SYNPO: variants seen among roughly 807,000 people sequenced by gnomAD.
SYNPO encodes the protein synaptopodin.
A neutral mutation model predicts 49.5 loss-of-function variants in SYNPO; 19 were observed. That is an observed-to-expected ratio of 0.38 (90% CI 0.27 to 0.56). The LOEUF is 0.56. SYNPO is among the 20% of genes least tolerant of loss of function. The pLI is 0.68. For synonymous variants in SYNPO, 536 were observed against 548.0 expected, an observed-to-expected ratio of 0.98 and a Z score of 0.31; for missense variants, 1,131 against 1,248.3, an observed-to-expected ratio of 0.91 and a Z score of 1.42.
At chr5:150,618,560 G>T in exon 2 of SYNPO, 1 of 1,549,608 alleles carries the variant, frequency 6.5e-7, no homozygotes, top group Non-Finnish European at 8.7e-7. Flanking sequence ...CAGCAGGAGT[G>T]GGGACGACTC....
chr5:150,591,994 C>T, the SYNPO span, among the ~76,000 whole-genome samples: 1 of 152,102 alleles, frequency 6.6e-6, no homozygotes, highest in South Asian at 2.1e-4. Flanking sequence ...GGAGAAACCC[C>T]GTCTCTACTA....
chr5:150,590,835 G>C, the SYNPO span, among the ~76,000 whole-genome samples: 1 of 152,222 alleles, frequency 6.6e-6, no homozygotes. Flanking sequence ...CAATAAAGAA[G>C]TGGGAAGGGG....
exon 2 of SYNPO, chr5:150,618,563 G>A (rs1383350131): frequency 6.4e-7 from 1 of 1,550,424 alleles, no homozygotes; most frequent in African/African-American, 1.4e-5. Context: ...CAGGAGTGGG[G>A]ACGACTCTGC....
At chr5:150,606,814 C>A (rs973502283) in intron 1 of SYNPO, among the ~76,000 whole-genome samples, 2 of 152,168 alleles carry the variant, frequency 1.3e-5, no homozygotes, top group Non-Finnish European at 2.9e-5. Context: ...GCTGAGCGCC[C>A]CTCAGCCGCC....
chr5:150,655,328 A>G (rs376287344), intron 2 of SYNPO, among the ~76,000 whole-genome samples: 1 of 152,154 alleles, frequency 6.6e-6, no homozygotes, highest in Non-Finnish European at 1.5e-5. Context: ...CATGAGCTCT[A>G]GGCCCCACCT....
intron 2 of SYNPO, among the ~76,000 whole-genome samples, chr5:150,631,784 A>G (rs955615148): frequency 1.3e-5 from 2 of 151,986 alleles, no homozygotes; most frequent in African/African-American, 2.4e-5. Context: ...TCTCTCCCCC[A>G]TCTCTTCAAG....
In SYNPO at chr5:150,659,018, C is replaced by T. The variant is rs971476602; in HGVS notation, c.*1931C>T. On this transcript the variant is annotated 3_prime_UTR_variant, in exon 3 of 3. Coordinates refer to ENST00000307662, the MANE Select transcript of SYNPO (RefSeq NM_007286.6). ...AGTAGCATAGAGGATCCATTTCTAC[C>T]TGCATTTCCCAGAGGACTAGCAGGA... The T allele has an allele frequency of 6.6e-6, 1 of 152,318 alleles. No homozygotes were observed. Among genetic ancestry groups the T allele is most frequent in the Non-Finnish European group, 1.5e-5 (1 of 68,026 alleles). The allele number at this position is 152,318 out of a possible 1,614,324, so 9.4% of individuals were successfully genotyped here. A position where few individuals can be genotyped will look rare whatever the true frequency, so the allele number is the denominator to read the frequency against.
intron 2 of SYNPO, chr5:150,651,087 A>AG (rs1758364108): frequency 8.9e-7 from 1 of 1,128,724 alleles, no homozygotes; most frequent in Non-Finnish European, 1.1e-6. Context: ...TCACCGCTCT[A>AG]GGGGTGGGGG....
intron 1 of SYNPO, among the ~76,000 whole-genome samples, chr5:150,642,065 T>A (rs1215443703): frequency 6.6e-6 from 1 of 152,252 alleles, no homozygotes; most frequent in African/African-American, 2.4e-5. Context: ...CAGTTTCATC[T>A]GCAGAATGAG....
chr5:150,618,657 C>T (rs763119227), exon 2 of SYNPO: 41 of 1,550,860 alleles, frequency 2.6e-5, no homozygotes, highest in Non-Finnish European at 3.3e-5. Context: ...GAACAAGGGG[C>T]GTCCCAGCAC....
At chr5:150,645,034 C>T (rs527308448) in intron 1 of SYNPO, among the ~76,000 whole-genome samples, 4 of 152,290 alleles carry the variant, frequency 2.6e-5, no homozygotes, top group East Asian at 3.9e-4. Flanking sequence ...GCTGCTGTGA[C>T]GCTGCTGGTC....
Position 150,648,605 on chromosome 5 carries a change from A to G in SYNPO, c.330A>G (p.Pro110=), listed in dbSNP as rs984981628. 4 of 1,614,084 alleles carry G rather than the reference A, an allele frequency of 2.5e-6. No individual in the cohort carries two copies. The highest frequency in any genetic ancestry group is 3.4e-6 in the Non-Finnish European group (4 of 1,180,050). ...CAACTGTTGTCCCACAGAGCCTGCC[A>G]CTTTCTAGCATCCAACAGAATTCCT... ...PPATVVPQSL[P]LSSIQQNSSE... Residue 110 remains proline, a synonymous_variant, in exon 2 of 3, where the codon CCA becomes CCG. Coordinates refer to ENST00000307662, the MANE Select transcript of SYNPO (RefSeq NM_007286.6). This position sits in a 1 kb window ranked among gnomAD's most constrained non-coding sequence, Gnocchi z 5.0.
Position 150,656,815 on chromosome 5 carries a change from G to C in SYNPO, c.2440G>C (p.Ala814Pro). 1 of 1,505,384 alleles carries C rather than the reference G, an allele frequency of 6.6e-7. No homozygotes were observed. Among genetic ancestry groups the C allele is most frequent in the Non-Finnish European group, 8.8e-7 (1 of 1,132,240 alleles). 93.3% of individuals were successfully genotyped at this position (1,505,384 alleles called of 1,614,324 possible). The change falls in exon 3 of 3, where the codon GCT becomes CCT. Residue 814 changes from alanine (A) to proline (P), a missense_variant. Around this residue, in one of 4 missense-constraint regions of SYNPO, gnomAD observed 509 missense variants for 484.5 expected, o/e 1.05. Coordinates refer to ENST00000307662, the MANE Select transcript of SYNPO (RefSeq NM_007286.6). Reference protein sequence around the residue: ...SPQPARPGSAAVPGAAFAPIP... With the variant: ...SPQPARPGSAPVPGAAFAPIP... ...ACAGCCCGCCCGCCCCGGCTCGGCT[G>C]CTGTGCCGGGGGCAGCCTTCGCGCC...
chr5:150,609,859 G>A (rs959474207), intron 1 of SYNPO, among the ~76,000 whole-genome samples: 17 of 151,810 alleles, frequency 1.1e-4, no homozygotes, highest in Admixed American at 9.9e-4. Context: ...TGCTGACTGC[G>A]TAGCCTTGGG....
exon 2 of SYNPO, chr5:150,618,671 G>C: frequency 6.4e-7 from 1 of 1,551,062 alleles, no homozygotes; most frequent in Non-Finnish European, 8.7e-7. Context: ...CCAGCACGAC[G>C]ACAGGGCCAG....
intron 1 of SYNPO, among the ~76,000 whole-genome samples, chr5:150,612,528 T>A (rs748760672): frequency 2.6e-5 from 4 of 152,084 alleles, no homozygotes; most frequent in Non-Finnish European, 4.4e-5. Flanking sequence ...TGGATAAGAG[T>A]GACATTTGGA....
rs58828199 is a variant in SYNPO at position 150,657,432 on chromosome 5, TCACACACACACACACACACACACACA to T, written c.*365_*390del. The stretch of plus-strand genomic sequence containing the variant: ...CTCTCTCTTTCTCTCTCTCTCTCTC[TCACACACACACACACACACACACACA>T]CACACACACACACACACACTAGTTA... On this transcript the variant is annotated 3_prime_UTR_variant, in exon 3 of 3. Transcript: ENST00000307662. 3.6e-5 allele frequency: 5 copies of T among 139,686 alleles called. No individual in the cohort carries two copies. The highest frequency in any genetic ancestry group is 2.1e-4 in the South Asian group (1 of 4,846). 8.7% of individuals were successfully genotyped at this position (139,686 alleles called of 1,614,324 possible). A position where few individuals can be genotyped will look rare whatever the true frequency, so the allele number is the denominator to read the frequency against.
chr5:150,617,053 T>A (rs1466360782), intron 1 of SYNPO, among the ~76,000 whole-genome samples: 1 of 152,174 alleles, frequency 6.6e-6, no homozygotes, highest in Non-Finnish European at 1.5e-5. Context: ...TTTTGTGGAA[T>A]GAAAGAACAG....
At chr5:150,612,310 C>T (rs1158007444) in intron 1 of SYNPO, among the ~76,000 whole-genome samples, 1 of 152,186 alleles carries the variant, frequency 6.6e-6, no homozygotes, top group East Asian at 1.9e-4. Flanking sequence ...CTAGGTTACA[C>T]CTACAGTCAA....
Sources: gnomAD v4.1 joint callset for allele counts (sites outside exome capture counted in the v4.1 genomes callset) on GRCh38, gnomAD v4.1.1 for gene constraint, gnomAD v4.1.1 regional missense constraint, Gnocchi (gnomAD v3.1) non-coding constraint, MANE v1.5 for transcripts, NCBI Gene and HGNC (gene_info 2026-07-23, HGNC 2026-07-21) for gene names.